SLC39A11: variants seen among roughly 807,000 people sequenced by gnomAD.
SLC39A11 encodes the protein solute carrier family 39 member 11, also known as zinc transporter ZIP11.
In SLC39A11, 33 loss-of-function variants were observed where a neutral mutation model predicts 36.1. The observed-to-expected ratio is 0.91, with a 90% confidence interval of 0.69 to 1.22. The LOEUF (loss-of-function observed/expected upper bound fraction) is 1.22, where lower values mean the gene tolerates loss of function less well. SLC39A11 is among the 50% of genes most tolerant of loss of function. SLC39A11 has a pLI of 0.00. For synonymous variants in SLC39A11, 166 were observed against 170.3 expected, an observed-to-expected ratio of 0.97 and a Z score of 0.20; for missense variants, 432 against 430.3, an observed-to-expected ratio of 1.00 and a Z score of -0.03.
chr17:72,976,830 C>A (rs543846213), intron 4 of SLC39A11, among the ~76,000 whole-genome samples: 7 of 149,522 alleles, frequency 4.7e-5, no homozygotes, highest in Non-Finnish European at 1.0e-4. Flanking sequence ...AGCCTGGCAA[C>A]AGAGCAAGAC....
chr17:73,043,769 A>C (rs2059183689), intron 3 of SLC39A11, among the ~76,000 whole-genome samples: 1 of 152,154 alleles, frequency 6.6e-6, no homozygotes, highest in South Asian at 2.1e-4. Context: ...GAGGCTGCCC[A>C]TGTCTGTTCA....
chr17:72,732,262 G>A (rs560805407), intron 7 of SLC39A11, among the ~76,000 whole-genome samples: 2 of 151,820 alleles, frequency 1.3e-5, no homozygotes, highest in Admixed American at 6.6e-5. Flanking sequence ...GGATCCGCCC[G>A]CCTCGGCCTC....
At chr17:72,804,012 C>T (rs1171382526) in intron 6 of SLC39A11, among the ~76,000 whole-genome samples, 1 of 125,230 alleles carries the variant, frequency 8.0e-6, no homozygotes, top group South Asian at 2.6e-4. Flanking sequence ...TGGGTGGGGG[C>T]GGGGTTGGAG....
intron 6 of SLC39A11, among the ~76,000 whole-genome samples, chr17:72,785,835 T>C (rs1166887131): frequency 6.6e-6 from 1 of 152,242 alleles, no homozygotes; most frequent in Non-Finnish European, 1.5e-5. Context: ...CTGGTCTTTC[T>C]TGTCACTCAG....
At chr17:72,723,118 T>A (rs2073770666) in intron 7 of SLC39A11, among the ~76,000 whole-genome samples, 1 of 152,224 alleles carries the variant, frequency 6.6e-6, no homozygotes, top group African/African-American at 2.4e-5. Flanking sequence ...TAGCCATGGA[T>A]ACAATCTGCC....
rs187413125 is a variant in SLC39A11 at position 73,055,026 on chromosome 17, A to G, written c.148-23312T>C. On this transcript the variant is annotated intron_variant, in intron 3 of 9. Transcript: ENST00000255559. ...CCCAAGGGCTTTGGGAGCCAGGTCC[A>G]TGATGAGGTCATATGCTGGAGTAAA... 2.0e-5 allele frequency among the ~76,000 whole-genome samples: 3 copies of G among 152,304 alleles called. 1 individual carries two copies. Among genetic ancestry groups the G allele is most frequent in the Admixed American group, 1.3e-4 (2 of 15,290 alleles).
At chr17:72,844,129 A>G (rs980729237) in intron 6 of SLC39A11, among the ~76,000 whole-genome samples, 1 of 152,216 alleles carries the variant, frequency 6.6e-6, no homozygotes. Flanking sequence ...TTTTTAATAC[A>G]CTATAAAGGA....
At chr17:73,057,736 G>C (rs964404322) in intron 3 of SLC39A11, among the ~76,000 whole-genome samples, 1 of 152,184 alleles carries the variant, frequency 6.6e-6, no homozygotes, top group Non-Finnish European at 1.5e-5. Context: ...TCAGGAGTAC[G>C]AGACCAGCCT....
At chr17:72,662,319 G>GGAAA (rs759863917) in intron 7 of SLC39A11, among the ~76,000 whole-genome samples, 1 of 137,886 alleles carries the variant, frequency 7.3e-6, no homozygotes, top group African/African-American at 2.7e-5. Context: ...AAAGAAAAGA[G>GGAAA]GAAAGAAAGA....
chr17:72,805,817 T>C (rs1443128502), intron 6 of SLC39A11, among the ~76,000 whole-genome samples: 2 of 151,770 alleles, frequency 1.3e-5, no homozygotes, highest in East Asian at 3.9e-4. Context: ...GGGGCGATCC[T>C]GGCTCACTGC....
chr17:73,067,696 A>AT (rs1359560662), intron 3 of SLC39A11, among the ~76,000 whole-genome samples: 1 of 152,078 alleles, frequency 6.6e-6, no homozygotes, highest in African/African-American at 2.4e-5. Context: ...TACAAATCAC[A>AT]TTTTTTTGAG....
At chr17:72,996,045 T>C (rs2089486181) in intron 4 of SLC39A11, among the ~76,000 whole-genome samples, 1 of 151,798 alleles carries the variant, frequency 6.6e-6, no homozygotes, top group African/African-American at 2.4e-5. Flanking sequence ...GTAGCTGGAG[T>C]CTAGTCCAGC....
At chr17:72,719,316 C>T (rs992790477) in intron 7 of SLC39A11, among the ~76,000 whole-genome samples, 7 of 152,112 alleles carry the variant, frequency 4.6e-5, no homozygotes, top group East Asian at 1.9e-4. Context: ...CCCGAGGCCC[C>T]GTGGCCACAT....
At chr17:72,965,873 T>G (rs2147981563) in intron 4 of SLC39A11, among the ~76,000 whole-genome samples, 1 of 152,290 alleles carries the variant, frequency 6.6e-6, no homozygotes, top group South Asian at 2.1e-4. Flanking sequence ...CTCTTGTTCA[T>G]AAAACTAGGG....
chr17:72,753,491 TCA>T (rs2075234338), intron 6 of SLC39A11, among the ~76,000 whole-genome samples: 1 of 152,254 alleles, frequency 6.6e-6, no homozygotes, highest in Non-Finnish European at 1.5e-5. Flanking sequence ...TTCATTTTTA[TCA>T]CAGTCAGTTC....
At chr17:73,035,070 C>G (rs185624054) in intron 3 of SLC39A11, among the ~76,000 whole-genome samples, 2 of 152,206 alleles carry the variant, frequency 1.3e-5, no homozygotes, top group South Asian at 4.1e-4. Context: ...AAAGAACAAT[C>G]GGGAAATTGA....
intron 4 of SLC39A11, among the ~76,000 whole-genome samples, chr17:72,961,117 G>A (rs1013440239): frequency 1.2e-4 from 19 of 152,224 alleles, no homozygotes; most frequent in African/African-American, 4.6e-4. Flanking sequence ...GATGGCTCAG[G>A]AGGCCTGTTC....
chr17:72,778,184 C>T (rs889421405), intron 6 of SLC39A11, among the ~76,000 whole-genome samples: 5 of 152,200 alleles, frequency 3.3e-5, no homozygotes, highest in African/African-American at 1.2e-4. Flanking sequence ...GGATTACAGG[C>T]ATGAGCCACC....
chr17:72,876,918 G>C (rs1020080618), intron 5 of SLC39A11, among the ~76,000 whole-genome samples: 1 of 152,150 alleles, frequency 6.6e-6, no homozygotes. Context: ...GTAACACTTA[G>C]AGCCTACAGA....
Sources: gnomAD v4.1 joint callset for allele counts (sites outside exome capture counted in the v4.1 genomes callset) on GRCh38, gnomAD v4.1.1 for gene constraint, MANE v1.5 for transcripts, NCBI Gene and HGNC (gene_info 2026-07-23, HGNC 2026-07-21) for gene names.